The following TMTC2 variants were observed in gnomAD, a reference collection of about 807,000 sequenced individuals.
TMTC2 encodes protein O-mannosyl-transferase TMTC2.
In TMTC2, 43 loss-of-function variants were observed where a neutral mutation model predicts 82.4. The observed-to-expected ratio is 0.52, with a 90% CI of 0.41 to 0.67. The LOEUF (loss-of-function observed/expected upper bound fraction) is 0.67, where lower values mean the gene tolerates loss of function less well. Ranked by LOEUF, TMTC2 falls within the 30% of genes least tolerant of loss-of-function variation. TMTC2 has a pLI of 0.00. For synonymous variants in TMTC2, 408 were observed against 381.9 expected (o/e 1.07, Z -0.80); for missense variants, 919 against 1,012.4 (o/e 0.91, Z 1.25).
chr12:82,899,233 C>T (rs1873835735), intron 3 of TMTC2, among the ~76,000 whole-genome samples: 2 of 152,030 alleles, frequency 1.3e-5, no homozygotes, highest in Admixed American at 1.3e-4. Context: ...AACACCCCAC[C>T]CCACTCATGG....
chr12:82,820,657 G>A (rs1465032452), intron 1 of TMTC2, among the ~76,000 whole-genome samples: 1 of 152,148 alleles, frequency 6.6e-6, no homozygotes, highest in Non-Finnish European at 1.5e-5. Context: ...TTACAGGCGT[G>A]AGCCATTGTG....
At chr12:82,728,011 G>A (rs1315870324) in intron 1 of TMTC2, among the ~76,000 whole-genome samples, 1 of 152,106 alleles carries the variant, frequency 6.6e-6, no homozygotes, top group Non-Finnish European at 1.5e-5. Context: ...CCCTTACATC[G>A]TGGCAGAGCC....
intron 9 of TMTC2, among the ~76,000 whole-genome samples, chr12:83,036,072 G>A (rs1236537239): frequency 6.6e-6 from 1 of 152,102 alleles, no homozygotes; most frequent in Non-Finnish European, 1.5e-5. Context: ...CCTATTAACA[G>A]TGAGTTTCTA....
intron 2 of TMTC2, among the ~76,000 whole-genome samples, chr12:82,876,691 T>C (rs945850560): frequency 6.6e-6 from 1 of 152,222 alleles, no homozygotes; most frequent in African/African-American, 2.4e-5. Flanking sequence ...ATTGACGTTT[T>C]TCAAGGTTAT....
At chr12:83,085,794 G>A (rs1883632132) in intron 11 of TMTC2, among the ~76,000 whole-genome samples, 1 of 152,224 alleles carries the variant, frequency 6.6e-6, no homozygotes, top group Admixed American at 6.5e-5. Flanking sequence ...TTTGTTTTCA[G>A]TTTTCTATAA....
At chr12:83,081,413 C>T (rs1181385282) in intron 11 of TMTC2, among the ~76,000 whole-genome samples, 2 of 152,108 alleles carry the variant, frequency 1.3e-5, no homozygotes, top group South Asian at 2.1e-4. Flanking sequence ...TGTTGGCTTA[C>T]GATTTGGAAG....
At chr12:83,071,832 C>T (rs576122085) in intron 11 of TMTC2, among the ~76,000 whole-genome samples, 5 of 151,916 alleles carry the variant, frequency 3.3e-5, no homozygotes, top group Admixed American at 6.6e-5. Context: ...CTTGTATTTT[C>T]GGTGGTGTCA....
At chr12:82,882,072 T>G (rs911490679) in intron 2 of TMTC2, among the ~76,000 whole-genome samples, 15 of 141,082 alleles carry the variant, frequency 1.1e-4, no homozygotes, top group African/African-American at 4.3e-4. Context: ...GGATCTCGGC[T>G]CACTGCAAGC....
At chr12:82,954,279 T>G (rs76960904) in intron 4 of TMTC2, among the ~76,000 whole-genome samples, 1 of 152,174 alleles carries the variant, frequency 6.6e-6, no homozygotes, top group South Asian at 2.1e-4. Flanking sequence ...TCCTTTTTTT[T>G]CTCGTCTTCT....
At chr12:82,854,179 T>C (rs969714114) in intron 1 of TMTC2, among the ~76,000 whole-genome samples, 1 of 152,202 alleles carries the variant, frequency 6.6e-6, no homozygotes, top group Non-Finnish European at 1.5e-5. Flanking sequence ...TGTTCTGTAA[T>C]AGGTCTTCTT....
At chr12:82,719,086 T>TATATATATATA (rs1491203790) in intron 1 of TMTC2, among the ~76,000 whole-genome samples, 7 of 19,318 alleles carry the variant, frequency 3.6e-4, no homozygotes, top group South Asian at 2.3e-3. Flanking sequence ...TATATATATA[T>TATATATATATA]TTTTTTTTTT....
chr12:82,896,756 C>A, intron 3 of TMTC2, 110 bp downstream of exon 3: 2 of 781,528 alleles, frequency 2.6e-6, no homozygotes, highest in Non-Finnish European at 2.0e-6. Flanking sequence ...TCCTTTTATG[C>A]AGTACCTGTA....
At chr12:82,716,465 G>A (rs1029193449) in intron 1 of TMTC2, among the ~76,000 whole-genome samples, 9 of 150,516 alleles carry the variant, frequency 6.0e-5, no homozygotes, top group Non-Finnish European at 1.3e-4. Flanking sequence ...CCGGGTTCAC[G>A]CCATTCTCCT....
chr12:82,837,985 C>T (rs556864448), intron 1 of TMTC2, among the ~76,000 whole-genome samples: 2 of 152,274 alleles, frequency 1.3e-5, no homozygotes, highest in East Asian at 3.9e-4. Flanking sequence ...GGTTGAAAAT[C>T]TTTATTTACA....
chr12:82,945,325 T>C (rs1382592030), intron 4 of TMTC2, among the ~76,000 whole-genome samples: 1 of 152,238 alleles, frequency 6.6e-6, no homozygotes, highest in Non-Finnish European at 1.5e-5. Flanking sequence ...CTATTTTCCA[T>C]GTTGGAAAAT....
In TMTC2 at chr12:82,718,280, A is replaced by G. The variant is rs990985416; in HGVS notation, c.83+30611A>G. Reference sequence around the variant, plus strand: ...CAAAAATCAAAAAACTGCTCCATCTATTCTTTCACATTGCAGGGTATTGTG... The same window carrying G: ...CAAAAATCAAAAAACTGCTCCATCTGTTCTTTCACATTGCAGGGTATTGTG... On this transcript the variant is annotated intron_variant, in intron 1 of 11. Coordinates refer to ENST00000321196, the MANE Select transcript of TMTC2 (RefSeq NM_152588.3). Among the ~76,000 whole-genome samples, 5 of 152,236 alleles carry G rather than the reference A, an allele frequency of 3.3e-5. No homozygotes were observed. In the East Asian group the frequency reaches 9.6e-4, roughly 29 times the overall value.
chr12:82,901,919 GA>G (rs1177022860), intron 3 of TMTC2, among the ~76,000 whole-genome samples: 1 of 152,060 alleles, frequency 6.6e-6, no homozygotes, highest in East Asian at 1.9e-4. Flanking sequence ...TGGTATGGGG[GA>G]GGAAAAATGT....
intron 11 of TMTC2, among the ~76,000 whole-genome samples, chr12:83,127,960 C>T (rs1885145915): frequency 6.6e-6 from 1 of 152,116 alleles, no homozygotes; most frequent in Non-Finnish European, 1.5e-5. Flanking sequence ...GGCTGCCAGT[C>T]AGTCCCTTTG....
intron 10 of TMTC2, among the ~76,000 whole-genome samples, chr12:83,054,662 T>G (rs2137462358): frequency 6.6e-6 from 1 of 151,034 alleles, no homozygotes; most frequent in South Asian, 2.1e-4. Flanking sequence ...GCATATATAA[T>G]TACATACTGT....
Sources: gnomAD v4.1 joint callset for allele counts (sites outside exome capture counted in the v4.1 genomes callset) on GRCh38, gnomAD v4.1.1 for gene constraint, MANE v1.5 for transcripts, NCBI Gene and HGNC (gene_info 2026-07-23, HGNC 2026-07-21) for gene names.